RBL1: variants seen among roughly 807,000 people sequenced by gnomAD.
The protein encoded by RBL1 is RB transcriptional corepressor like 1.
Under a neutral mutation model 123.0 loss-of-function variants are expected in RBL1, and 82 were observed. The observed-to-expected ratio is 0.67, with a 90% CI of 0.56 to 0.80. The LOEUF is 0.80. Among genes scored for constraint, RBL1 ranks in the 30% least tolerant of loss-of-function variants. The pLI is 0.00. For missense variants in RBL1, 1,171 were observed against 1,299.6 expected (o/e 0.90, Z 1.52); for synonymous variants, 405 against 441.3 (o/e 0.92, Z 1.03).
At chr20:37,088,418 G>A (rs1390619154) in intron 2 of RBL1, among the ~76,000 whole-genome samples, 1 of 152,120 alleles carries the variant, frequency 6.6e-6, no homozygotes, top group African/African-American at 2.4e-5. Flanking sequence ...TAACTTCTCT[G>A]TAAGCCTAAA....
chr20:37,014,553 C>A (rs547181261), intron 19 of RBL1, among the ~76,000 whole-genome samples: 8 of 151,992 alleles, frequency 5.3e-5, no homozygotes, highest in Non-Finnish European at 1.2e-4. Context: ...AATCCCAGCA[C>A]TTTGGGAGGC....
intron 2 of RBL1, among the ~76,000 whole-genome samples, chr20:37,087,816 C>T (rs375602841): frequency 3.3e-5 from 5 of 152,206 alleles, no homozygotes; most frequent in African/African-American, 9.6e-5. Flanking sequence ...AAAACTAGAA[C>T]AGAGTTAGCA....
At chr20:37,026,559 C>A (rs2064425525) in intron 16 of RBL1, among the ~76,000 whole-genome samples, 1 of 151,956 alleles carries the variant, frequency 6.6e-6, no homozygotes, top group Non-Finnish European at 1.5e-5. Flanking sequence ...CAAAAATTAG[C>A]CGGGTGTGGT....
At chr20:37,012,231 C>T (rs187158100) in intron 19 of RBL1, among the ~76,000 whole-genome samples, 2 of 152,248 alleles carry the variant, frequency 1.3e-5, no homozygotes, top group Non-Finnish European at 1.5e-5. Context: ...ACCTCCCAGC[C>T]GCCTGGCCTT....
Position 37,001,514 on chromosome 20 carries a change from A to AT in RBL1, c.3036+2187dup, listed in dbSNP as rs554776758. On this transcript the variant is annotated intron_variant, in intron 21 of 21. Transcript: ENST00000373664. ...GCTATGTCCACTCAGGGTTGAATGG[A>AT]TTAAGGGTGGTGCAAGATGTGCTTT... 2.4e-4 allele frequency among the ~76,000 whole-genome samples: 37 copies of AT among 151,934 alleles called. 1 individual carries two copies. In the East Asian group the frequency reaches 5.4e-3, roughly 22 times the overall value.
chr20:37,078,091 T>G (rs1308455344), intron 2 of RBL1, among the ~76,000 whole-genome samples: 1 of 152,190 alleles, frequency 6.6e-6, no homozygotes, highest in East Asian at 1.9e-4. Flanking sequence ...TGTCTCATGC[T>G]TCCCTCATTA....
chr20:37,000,450 G>T (rs1449133263), intron 21 of RBL1, among the ~76,000 whole-genome samples: 2 of 136,806 alleles, frequency 1.5e-5, no homozygotes, highest in African/African-American at 5.5e-5. Flanking sequence ...CCAGCTGCCC[G>T]TCCGGGAGGG....
chr20:37,047,873 C>T (rs534705603), intron 11 of RBL1, among the ~76,000 whole-genome samples: 5 of 151,978 alleles, frequency 3.3e-5, no homozygotes, highest in Non-Finnish European at 5.9e-5. Flanking sequence ...CCAGTTACTC[C>T]GGAGGCTGAG....
At chr20:37,074,415 GA>G (rs751317386) in intron 2 of RBL1, among the ~76,000 whole-genome samples, 2,371 of 62,266 alleles carry the variant, frequency 0.038, 38 homozygotes, top group African/African-American at 0.093. Context: ...CCCTGTCTCA[GA>G]AAAAAAAAAA....
chr20:37,044,334 T>G, intron 12 of RBL1, 84 bp from the exon 13 acceptor site: 1 of 1,190,722 alleles, frequency 8.4e-7, no homozygotes, highest in Non-Finnish European at 1.2e-6. Flanking sequence ...GCTGTGGCTT[T>G]CTTCTTCTTC....
At chr20:37,089,274 G>A in intron 1 of RBL1, 152 bp from the exon 2 acceptor site, 1 of 660,256 alleles carries the variant, frequency 1.5e-6, no homozygotes, top group Non-Finnish European at 2.3e-6. Flanking sequence ...AGGTCACAAA[G>A]CTGTTAGTTG....
chr20:37,020,559 A>T, intron 18 of RBL1, 100 bp downstream of exon 18: 1 of 797,724 alleles, frequency 1.3e-6, no homozygotes, highest in Non-Finnish European at 2.0e-6. Flanking sequence ...AGAAAATCTG[A>T]AGTATATTAA....
At chr20:37,069,706 G>C (rs1207222479) in intron 2 of RBL1, among the ~76,000 whole-genome samples, 1 of 151,922 alleles carries the variant, frequency 6.6e-6, no homozygotes, top group Non-Finnish European at 1.5e-5. Context: ...GGGAAGTGAG[G>C]AGCGTCTCCG....
chr20:37,085,896 G>T (rs1471897058), intron 2 of RBL1, among the ~76,000 whole-genome samples: 1 of 151,922 alleles, frequency 6.6e-6, no homozygotes, highest in East Asian at 1.9e-4. Flanking sequence ...TGATCCACCC[G>T]GCTTGGTCTC....
chr20:37,085,898 C>T (rs1368132071), intron 2 of RBL1, among the ~76,000 whole-genome samples: 1 of 152,040 alleles, frequency 6.6e-6, no homozygotes, highest in African/African-American at 2.4e-5. Context: ...ATCCACCCGG[C>T]TTGGTCTCCC....
At chr20:37,048,069 A>C (rs2064845459) in intron 11 of RBL1, among the ~76,000 whole-genome samples, 1 of 152,232 alleles carries the variant, frequency 6.6e-6, no homozygotes, top group African/African-American at 2.4e-5. Context: ...CATCATCAGT[A>C]AAACTAGCAG....
chr20:37,013,451 C>A (rs555137942), intron 19 of RBL1, among the ~76,000 whole-genome samples: 10 of 151,672 alleles, frequency 6.6e-5, no homozygotes, highest in African/African-American at 2.4e-4. Context: ...ACAAACACTG[C>A]GGAAGGCCGC....
intron 2 of RBL1, among the ~76,000 whole-genome samples, chr20:37,086,622 C>T (rs920496366): frequency 1.3e-5 from 2 of 152,178 alleles, no homozygotes; most frequent in Non-Finnish European, 2.9e-5. Flanking sequence ...TTAAACTTTG[C>T]TCCTCTTCTA....
At chr20:37,069,005 C>T (rs932115293) in intron 2 of RBL1, among the ~76,000 whole-genome samples, 5 of 152,254 alleles carry the variant, frequency 3.3e-5, no homozygotes, top group Admixed American at 1.3e-4. Flanking sequence ...CGGGCCGCCA[C>T]GCCTGACTGG....
Sources: gnomAD v4.1 joint callset for allele counts (sites outside exome capture counted in the v4.1 genomes callset) on GRCh38, gnomAD v4.1.1 for gene constraint, MANE v1.5 for transcripts, NCBI Gene and HGNC (gene_info 2026-07-23, HGNC 2026-07-21) for gene names.